The following GPHN variants were observed in gnomAD, a reference collection of about 807,000 sequenced individuals.
GPHN encodes the protein gephyrin.
A neutral mutation model predicts 95.5 loss-of-function variants in GPHN; 17 were observed. The observed-to-expected ratio is 0.18, with a 90% CI of 0.12 to 0.27. GPHN has a LOEUF of 0.27. Ranked by LOEUF, GPHN falls within the 10% of genes least tolerant of loss-of-function variation. The probability of loss-of-function intolerance (pLI) is 1.00; values close to 1 mark genes in which losing one functional copy is unlikely to be tolerated. For missense variants in GPHN, 660 were observed against 978.1 expected (o/e 0.67, Z 4.34); for synonymous variants, 320 against 322.5 (o/e 0.99, Z 0.08).
At chr14:67,585,686 C>A in the GPHN span, 1 of 1,402,102 alleles carries the variant, frequency 7.1e-7, no homozygotes, top group Non-Finnish European at 9.9e-7. Flanking sequence ...TCCCTGACCC[C>A]TCCTCTTCCT....
At chr14:67,625,546 G>A in the GPHN span, among the ~76,000 whole-genome samples, 7 of 151,886 alleles carry the variant, frequency 4.6e-5, no homozygotes, top group Non-Finnish European at 1.0e-4. Flanking sequence ...CGGGCATGGT[G>A]GTGCATGCCT....
chr14:66,830,117 G>A (rs934972214), intron 4 of GPHN, among the ~76,000 whole-genome samples: 17 of 152,238 alleles, frequency 1.1e-4, no homozygotes, highest in Middle Eastern at 6.8e-3. Context: ...AAAGCCTGAC[G>A]TATTTATCAT....
intron 19 of GPHN, 76 bp downstream of exon 19, chr14:67,159,564 C>A (rs1043064528): frequency 1.2e-6 from 1 of 810,254 alleles, no homozygotes; most frequent in Non-Finnish European, 2.2e-6. Context: ...TAAATGCCTT[C>A]TTTTTACATT....
chr14:67,439,585 C>CTTCTT, the GPHN span, among the ~76,000 whole-genome samples: 1 of 132,322 alleles, frequency 7.6e-6, no homozygotes, highest in African/African-American at 3.1e-5. Flanking sequence ...TTCTTTCTTT[C>CTTCTT]TTTCTTTCTT....
chr14:67,311,670 G>A, the GPHN span, among the ~76,000 whole-genome samples: 29,070 of 152,092 alleles, frequency 0.19, 4,471 homozygotes, highest in East Asian at 0.48. Context: ...ATGGCATACA[G>A]AATAGCTTAT....
chr14:66,998,408 C>T (rs2071962894), intron 9 of GPHN, among the ~76,000 whole-genome samples: 1 of 152,048 alleles, frequency 6.6e-6, no homozygotes, highest in South Asian at 2.1e-4. Context: ...CGTGATAATC[C>T]TCTGCCTAGA....
the GPHN span, among the ~76,000 whole-genome samples, chr14:67,358,160 A>G: frequency 6.6e-6 from 1 of 152,066 alleles, no homozygotes; most frequent in Non-Finnish European, 1.5e-5. Flanking sequence ...TAGAAGATAA[A>G]CTAGTGTCGA....
At chr14:66,879,547 A>G (rs570048645) in intron 4 of GPHN, among the ~76,000 whole-genome samples, 42 of 152,188 alleles carry the variant, frequency 2.8e-4, no homozygotes, top group Non-Finnish European at 7.4e-5. Context: ...TCAGGTTTTC[A>G]GAGACTAATT....
At chr14:67,051,562 A>G (rs1390292527) in intron 10 of GPHN, among the ~76,000 whole-genome samples, 1 of 152,182 alleles carries the variant, frequency 6.6e-6, no homozygotes, top group Non-Finnish European at 1.5e-5. Flanking sequence ...AACTTCCCCA[A>G]CCTAGCAAGA....
At chr14:67,349,199 G>C in the GPHN span, 8 of 1,172,794 alleles carry the variant, frequency 6.8e-6, no homozygotes, top group African/African-American at 1.2e-4. Flanking sequence ...GAGACCAAGA[G>C]TGAGATGTCA....
intron 1 of GPHN, among the ~76,000 whole-genome samples, chr14:66,542,531 A>G (rs189325580): frequency 1.7e-4 from 26 of 152,134 alleles, no homozygotes; most frequent in Admixed American, 1.2e-3. Context: ...TCTATAACCA[A>G]TCCCTTCGTT....
the GPHN span, among the ~76,000 whole-genome samples, chr14:67,590,545 G>A: frequency 6.6e-6 from 1 of 152,164 alleles, no homozygotes; most frequent in Non-Finnish European, 1.5e-5. Context: ...TTTTAGTAGA[G>A]ACAGGGTTTC....
At chr14:66,560,402 C>CAAAAT (rs2060184861) in intron 1 of GPHN, among the ~76,000 whole-genome samples, 1 of 152,038 alleles carries the variant, frequency 6.6e-6, no homozygotes, top group South Asian at 2.1e-4. Context: ...TGTTTGTATC[C>CAAAAT]TCTTTTATTT....
At chr14:66,660,647 G>A (rs2065590060) in intron 1 of GPHN, among the ~76,000 whole-genome samples, 2 of 152,098 alleles carry the variant, frequency 1.3e-5, no homozygotes, top group Non-Finnish European at 2.9e-5. Context: ...GCGCCAAGAT[G>A]GCCAACTAAA....
chr14:67,395,819 G>T, the GPHN span, among the ~76,000 whole-genome samples: 1 of 152,158 alleles, frequency 6.6e-6, no homozygotes, highest in South Asian at 2.1e-4. Context: ...TGTAGGGCCT[G>T]CCTCCTGGAC....
At chr14:67,225,540 T>C in the GPHN span, among the ~76,000 whole-genome samples, 1 of 152,196 alleles carries the variant, frequency 6.6e-6, no homozygotes, top group South Asian at 2.1e-4. Flanking sequence ...ATTCTTCTCA[T>C]TTCTGTACTT....
chr14:67,005,162 G>A (rs2153613028), intron 9 of GPHN, among the ~76,000 whole-genome samples: 1 of 150,998 alleles, frequency 6.6e-6, no homozygotes, highest in East Asian at 1.9e-4. Flanking sequence ...TTTAAACATA[G>A]TGATAGCATT....
chr14:67,302,539 G>A, the GPHN span: 2 of 1,576,072 alleles, frequency 1.3e-6, no homozygotes, highest in Non-Finnish European at 8.6e-7. Flanking sequence ...TGAAATTCGG[G>A]GGAAAGATGT....
the GPHN span, among the ~76,000 whole-genome samples, chr14:67,662,852 G>A: frequency 0.094 from 13,734 of 146,620 alleles, 902 homozygotes; most frequent in East Asian, 0.23. Context: ...GCAATGAGCC[G>A]AGATTGCGCC....
Sources: gnomAD v4.1 joint callset for allele counts (sites outside exome capture counted in the v4.1 genomes callset) on GRCh38, gnomAD v4.1.1 for gene constraint, MANE v1.5 for transcripts, NCBI Gene and HGNC (gene_info 2026-07-23, HGNC 2026-07-21) for gene names.